SYNGR4: variants seen among roughly 807,000 people sequenced by gnomAD.
The protein encoded by SYNGR4 is synaptogyrin-4.
In SYNGR4, 15 loss-of-function variants were observed where a neutral mutation model predicts 15.5. That is an observed-to-expected ratio of 0.97 (90% CI 0.65 to 1.49). The LOEUF (loss-of-function observed/expected upper bound fraction) is 1.49, where lower values mean the gene tolerates loss of function less well. SYNGR4 is among the 40% of genes most tolerant of loss of function. The pLI is 0.00. For synonymous variants in SYNGR4, 121 were observed against 127.4 expected (o/e 0.95, Z 0.34); for missense variants, 292 against 299.3 (o/e 0.98, Z 0.18).
chr19:48,368,252 CTCG>C, intron 2 of SYNGR4, among the ~76,000 whole-genome samples: 1 of 152,318 alleles, frequency 6.6e-6, no homozygotes, highest in South Asian at 2.1e-4. Context: ...TCTCCTTACT[CTCG>C]TCTGTAAAAA....
chr19:48,369,852 A>G (rs1286803295), intron 2 of SYNGR4, among the ~76,000 whole-genome samples: 1 of 152,104 alleles, frequency 6.6e-6, no homozygotes, highest in Non-Finnish European at 1.5e-5. Context: ...CACCCCCTCT[A>G]CAGTCAGTTC....
At chr19:48,365,316 A>C (rs1970183890) in intron 1 of SYNGR4, among the ~76,000 whole-genome samples, 1 of 80,366 alleles carries the variant, frequency 1.2e-5, no homozygotes, top group Non-Finnish European at 2.2e-5. Flanking sequence ...CACTTCAGGG[A>C]CCCCTAGCAG....
At chr19:48,373,868 ACT>A in intron 3 of SYNGR4, 114 bp downstream of exon 3, 2 of 1,051,774 alleles carry the variant, frequency 1.9e-6, no homozygotes, top group Non-Finnish European at 2.9e-6. Context: ...CTCCACCCTG[ACT>A]GTCCTCCCAG....
chr19:48,365,560 A>G (rs1389207191), intron 1 of SYNGR4, among the ~76,000 whole-genome samples, 176 bp from the exon 2 acceptor site: 1 of 144,676 alleles, frequency 6.9e-6, no homozygotes, highest in Non-Finnish European at 1.5e-5. Flanking sequence ...GGGGCCCCTG[A>G]CAGCCCATTC....
chr19:48,376,051 A>G, intron 4 of SYNGR4, 34 bp from the exon 5 acceptor site: 1 of 1,613,986 alleles, frequency 6.2e-7, no homozygotes, highest in South Asian at 1.1e-5. Flanking sequence ...GCCCAGCCCA[A>G]GTCAGCCTTC....
chr19:48,366,811 G>A (rs925908820), intron 2 of SYNGR4, among the ~76,000 whole-genome samples: 5 of 152,078 alleles, frequency 3.3e-5, no homozygotes, highest in Non-Finnish European at 7.4e-5. Flanking sequence ...CACTCACAGT[G>A]GCCACATTTT....
intron 2 of SYNGR4, among the ~76,000 whole-genome samples, chr19:48,369,349 C>G (rs1206808153): frequency 6.6e-6 from 1 of 152,214 alleles, no homozygotes; most frequent in Non-Finnish European, 1.5e-5. Context: ...CTCAAATCTC[C>G]AGTGTCCCGG....
chr19:48,374,270 G>A (rs1299976945), intron 3 of SYNGR4, among the ~76,000 whole-genome samples: 3 of 151,902 alleles, frequency 2.0e-5, no homozygotes, highest in Non-Finnish European at 4.4e-5. Flanking sequence ...TAGTAGAGAC[G>A]GGGTTTCAGT....
chr19:48,365,755 C>A lies in SYNGR4; in HGVS notation c.-88C>A. 7.2e-7 allele frequency: 1 copy of A among 1,394,192 alleles called. No homozygotes were observed. Among genetic ancestry groups the A allele is most frequent in the Non-Finnish European group, 1.0e-6 (1 of 1,001,082 alleles). The allele number at this position is 1,394,192 out of a possible 1,614,324, so 86.4% of individuals were successfully genotyped here. On this transcript the variant is annotated 5_prime_UTR_variant, in exon 2 of 5. Coordinates refer to ENST00000344846, the MANE Select transcript of SYNGR4 (RefSeq NM_012451.4). ...CCACAGCAGCCAAGCCCAGGGCTGG[C>A]CTGAAGCCCCCGGACGGCAGTGCCC...
At chr19:48,365,691 A>C (rs1315961269) in intron 1 of SYNGR4, 45 bp from the exon 2 acceptor site, 98 of 153,022 alleles carry the variant, frequency 6.4e-4, no homozygotes, top group Middle Eastern at 3.1e-3. Flanking sequence ...CAGCCCTTCC[A>C]CCCCGTGCCC....
chr19:48,365,949 A>T lies in SYNGR4; in HGVS notation c.93+14A>T. ...GTCTTCGAAGGGGTGAGGCCCTCCCATGGCCCGACTGTGCCCCTGGGTGAC... is the reference window on the plus strand; with the variant it reads ...GTCTTCGAAGGGGTGAGGCCCTCCCTTGGCCCGACTGTGCCCCTGGGTGAC... On this transcript the variant is annotated intron_variant, in intron 2 of 4. Transcript: ENST00000344846. 6.2e-7 allele frequency: 1 copy of T among 1,612,532 alleles called. No individual in the cohort carries two copies. Among genetic ancestry groups the T allele is most frequent in the Non-Finnish European group, 8.5e-7 (1 of 1,179,528 alleles).
Position 48,376,374 on chromosome 19 carries a change from A to C in SYNGR4, c.*56A>C. 1 of 1,573,358 alleles carries C rather than the reference A, an allele frequency of 6.4e-7. No homozygotes were observed. On this transcript the variant is annotated 3_prime_UTR_variant, in exon 5 of 5. Transcript: ENST00000344846. ...TCCTCCCTCCAGAAGGGTTTCTAAA[A>C]ACAGCCCTCAGTCCTTCTCATGTCT...
chr19:48,366,736 G>A (rs1391833840), intron 2 of SYNGR4, among the ~76,000 whole-genome samples: 2 of 152,168 alleles, frequency 1.3e-5, no homozygotes, highest in East Asian at 3.9e-4. Context: ...GGGATGTCCA[G>A]TGGGGTAGCC....
intron 3 of SYNGR4, among the ~76,000 whole-genome samples, chr19:48,374,164 G>A (rs1051006338): frequency 7.1e-6 from 1 of 141,742 alleles, no homozygotes; most frequent in Admixed American, 7.7e-5. Flanking sequence ...TGCAACCTCC[G>A]CCTCCCGGGT....
At chr19:48,365,306 C>G (rs1230969666) in intron 1 of SYNGR4, among the ~76,000 whole-genome samples, 18 of 137,170 alleles carry the variant, frequency 1.3e-4, no homozygotes, top group African/African-American at 4.5e-4. Flanking sequence ...CTATGTCCCC[C>G]ACTTCAGGGA....
intron 2 of SYNGR4, 196 bp from the exon 3 acceptor site, chr19:48,373,321 C>G (rs1441067771): frequency 1.7e-6 from 1 of 600,186 alleles, no homozygotes; most frequent in Admixed American, 2.9e-5. Flanking sequence ...GGAGAGCAGA[C>G]GAGGCCTGAG....
chr19:48,364,443 C>G lies in SYNGR4; in HGVS notation c.-202C>G, dbSNP rs1970154770. 1 of 157,154 alleles carries G rather than the reference C, an allele frequency of 6.4e-6. No homozygotes were observed. Among genetic ancestry groups the G allele is most frequent in the Non-Finnish European group, 1.4e-5 (1 of 70,350 alleles). The allele number at this position is 157,154 out of a possible 1,614,324, so 9.7% of individuals were successfully genotyped here. A position where few individuals can be genotyped will look rare whatever the true frequency, so the allele number is the denominator to read the frequency against. ...CCCTCAGGTGACGCAGATTGGCCCTCCAGAGAAGGGGCGGCCCCTTCTCAG... is the reference window on the plus strand; with the variant it reads ...CCCTCAGGTGACGCAGATTGGCCCTGCAGAGAAGGGGCGGCCCCTTCTCAG... On this transcript the variant is annotated 5_prime_UTR_variant, in exon 1 of 5. Coordinates refer to ENST00000344846, the MANE Select transcript of SYNGR4 (RefSeq NM_012451.4).
chr19:48,369,117 G>A (rs553615783), intron 2 of SYNGR4, among the ~76,000 whole-genome samples: 32 of 152,062 alleles, frequency 2.1e-4, no homozygotes, highest in African/African-American at 6.0e-4. Flanking sequence ...TCCTTCCACC[G>A]TCCCTACCCC....
At chr19:48,368,042 G>A (rs1970246383) in intron 2 of SYNGR4, among the ~76,000 whole-genome samples, 1 of 152,208 alleles carries the variant, frequency 6.6e-6, no homozygotes. Context: ...CTTGGAGAAG[G>A]AACAAACAGG....
Sources: allele counts gnomAD v4.1 joint callset (sites outside exome capture counted in the v4.1 genomes callset), GRCh38; gene constraint gnomAD v4.1.1; transcripts MANE v1.5; gene names NCBI Gene and HGNC (gene_info 2026-07-23, HGNC 2026-07-21).